Variants in THRB observed in about 807,000 individuals in gnomAD.
The protein encoded by THRB is thyroid hormone receptor beta.
Under a neutral mutation model 47.8 loss-of-function variants are expected in THRB, and 12 were observed. The ratio of observed to expected loss-of-function variants is 0.25; its 90% CI spans 0.16 to 0.41. The LOEUF is 0.41. Among genes scored for constraint, THRB ranks in the 10% least tolerant of loss-of-function variants. THRB has a pLI of 1.00. For synonymous variants in THRB, 218 were observed against 212.2 expected (o/e 1.03, Z -0.24); for missense variants, 348 against 589.2 (o/e 0.59, Z 4.24).
At chr3:24,275,456 T>C (rs1430072485) in intron 3 of THRB, among the ~76,000 whole-genome samples, 1 of 152,182 alleles carries the variant, frequency 6.6e-6, no homozygotes, top group Non-Finnish European at 1.5e-5. Flanking sequence ...TAGGCACCTT[T>C]GTGGCTAATG....
intron 5 of THRB, among the ~76,000 whole-genome samples, chr3:24,166,533 C>T (rs967373965): frequency 1.3e-5 from 2 of 152,134 alleles, no homozygotes; most frequent in Non-Finnish European, 2.9e-5. Flanking sequence ...TTAACAAATA[C>T]CAAATTAGAT....
Position 24,215,028 on chromosome 3 carries a change from A to G in THRB, c.22+13910T>C, listed in dbSNP as rs1323349795. ...TCCACTTGACCTATCCATCTTACAG[A>G]TCCATCATTCACTAGTTTATTCTAT... On this transcript the variant is annotated intron_variant, in intron 4 of 10. Coordinates refer to ENST00000646209, the MANE Select transcript of THRB (RefSeq NM_001354712.2). 2.0e-5 allele frequency among the ~76,000 whole-genome samples: 3 copies of G among 152,362 alleles called. No homozygotes were observed. In the East Asian group the frequency reaches 5.8e-4, roughly 29 times the overall value.
chr3:24,223,101 T>C lies in THRB; in HGVS notation c.22+5837A>G, dbSNP rs140980441. Among the ~76,000 whole-genome samples, 514 of 152,322 alleles carry C rather than the reference T, an allele frequency of 3.4e-3. 1 individual carries two copies. The highest frequency in any genetic ancestry group is 0.011 in the African/African-American group (478 of 41,572). Reference sequence around the variant, plus strand: ...CTTTGGCTTCTGTTATTACTTCATCTACACCTGTAATCAGTCCTAAGGCCT... The same window carrying C: ...CTTTGGCTTCTGTTATTACTTCATCCACACCTGTAATCAGTCCTAAGGCCT... On this transcript the variant is annotated intron_variant, in intron 4 of 10. Transcript: ENST00000646209.
At chr3:24,147,857 GC>G (rs756462995) in intron 6 of THRB, among the ~76,000 whole-genome samples, 11 of 152,214 alleles carry the variant, frequency 7.2e-5, no homozygotes, top group Non-Finnish European at 1.0e-4. Context: ...TAAATCGCTT[GC>G]CCAAATCACA....
intron 8 of THRB, among the ~76,000 whole-genome samples, chr3:24,135,850 AC>A (rs2034598101): frequency 9.7e-6 from 1 of 103,058 alleles, no homozygotes; most frequent in African/African-American, 3.3e-5. Flanking sequence ...TATATATAAT[AC>A]ATAAATATAT....
intron 3 of THRB, among the ~76,000 whole-genome samples, chr3:24,247,573 G>A (rs183624587): frequency 6.6e-6 from 1 of 152,190 alleles, no homozygotes; most frequent in Admixed American, 6.5e-5. Context: ...CATCTTGCAA[G>A]AATAATAATG....
At chr3:24,364,189 A>G (rs2064287460) in intron 1 of THRB, among the ~76,000 whole-genome samples, 1 of 152,204 alleles carries the variant, frequency 6.6e-6, no homozygotes, top group South Asian at 2.1e-4. Flanking sequence ...AAAATGAACC[A>G]GGAGATAGGG....
chr3:24,423,123 A>G (rs1034448552), intron 1 of THRB, among the ~76,000 whole-genome samples: 1 of 151,904 alleles, frequency 6.6e-6, no homozygotes. Context: ...TGGGGCTTCT[A>G]TCACAGCCCA....
chr3:24,130,584 G>A (rs2033700187), intron 9 of THRB, among the ~76,000 whole-genome samples: 1 of 152,106 alleles, frequency 6.6e-6, no homozygotes, highest in Non-Finnish European at 1.5e-5. Flanking sequence ...CCAGAGAGAG[G>A]ACCAAGAGAG....
intron 1 of THRB, among the ~76,000 whole-genome samples, chr3:24,422,657 T>C (rs1373378347): frequency 1.1e-4 from 16 of 151,906 alleles, no homozygotes; most frequent in Admixed American, 1.0e-3. Flanking sequence ...CTGAAGATTC[T>C]TCACCTCCCT....
chr3:24,477,555 C>T (rs73823304), intron 1 of THRB, among the ~76,000 whole-genome samples: 2,036 of 152,106 alleles, frequency 0.013, 35 homozygotes, highest in African/African-American at 0.041. Flanking sequence ...GGTCTGGGGG[C>T]ACCACACTCT....
At chr3:24,224,353 A>T (rs2047446216) in intron 4 of THRB, among the ~76,000 whole-genome samples, 1 of 152,216 alleles carries the variant, frequency 6.6e-6, no homozygotes, top group African/African-American at 2.4e-5. Flanking sequence ...AGCCATGAAC[A>T]AATCCCTTTG....
At chr3:24,311,748 C>T (rs937918975) in intron 2 of THRB, among the ~76,000 whole-genome samples, 1 of 152,166 alleles carries the variant, frequency 6.6e-6, no homozygotes, top group African/African-American at 2.4e-5. Flanking sequence ...TTGGTTCATA[C>T]CAACATTATT....
At chr3:24,213,992 C>T (rs1316396772) in intron 4 of THRB, among the ~76,000 whole-genome samples, 1 of 152,198 alleles carries the variant, frequency 6.6e-6, no homozygotes, top group African/African-American at 2.4e-5. Context: ...GGCTCACTAC[C>T]TACCTTCTAG....
intron 3 of THRB, among the ~76,000 whole-genome samples, chr3:24,255,149 C>A (rs941842180): frequency 6.6e-6 from 1 of 152,114 alleles, no homozygotes; most frequent in Non-Finnish European, 1.5e-5. Context: ...AGTCTGTAAA[C>A]ATTCATCCCA....
intron 4 of THRB, among the ~76,000 whole-genome samples, chr3:24,205,778 T>C (rs969042981): frequency 2.0e-5 from 3 of 152,072 alleles, no homozygotes; most frequent in African/African-American, 7.2e-5. Flanking sequence ...GAGACACACA[T>C]AGGCTCAAAG....
chr3:24,355,943 A>G (rs1224268649), intron 1 of THRB, among the ~76,000 whole-genome samples: 1 of 152,126 alleles, frequency 6.6e-6, no homozygotes, highest in East Asian at 1.9e-4. Flanking sequence ...CAACAACTCT[A>G]AAGTCCAGAG....
chr3:24,484,866 C>A (rs1697058725), intron 1 of THRB, among the ~76,000 whole-genome samples: 1 of 152,186 alleles, frequency 6.6e-6, no homozygotes, highest in Admixed American at 6.5e-5. Context: ...CTACAAGTAT[C>A]ATTTTATGAC....
intron 1 of THRB, among the ~76,000 whole-genome samples, chr3:24,376,591 A>G (rs1027425351): frequency 2.6e-5 from 4 of 152,130 alleles, no homozygotes; most frequent in Non-Finnish European, 5.9e-5. Context: ...TGGAGTTCCA[A>G]CCAGCCAAGG....
Sources: gnomAD v4.1 joint callset for allele counts (sites outside exome capture counted in the v4.1 genomes callset) on GRCh38, gnomAD v4.1.1 for gene constraint, MANE v1.5 for transcripts, NCBI Gene and HGNC (gene_info 2026-07-23, HGNC 2026-07-21) for gene names.